ADGRB3: variants seen among roughly 807,000 people sequenced by gnomAD.
The protein encoded by ADGRB3 is brain-specific angiogenesis inhibitor 3.
A neutral mutation model predicts 193.4 loss-of-function variants in ADGRB3; 37 were observed. The ratio of observed to expected loss-of-function variants is 0.19; its 90% confidence interval spans 0.15 to 0.25. The LOEUF is 0.25. ADGRB3 is among the 10% of genes least tolerant of loss of function. The pLI is 1.00. For missense variants in ADGRB3, 1,637 were observed against 1,852.9 expected (o/e 0.88, Z 2.14); for synonymous variants, 690 against 644.2 (o/e 1.07, Z -1.08).
intron 8 of ADGRB3, among the ~76,000 whole-genome samples, chr6:68,958,870 AGTGTGTGTGTGTGTGTGT>A (rs66559521): frequency 5.4e-5 from 8 of 147,338 alleles, no homozygotes; most frequent in African/African-American, 1.5e-4. Flanking sequence ...AAAGAAAAAT[AGTGTGTGTGTGTGTGTGT>A]GTGTGTGTGT....
intron 3 of ADGRB3, among the ~76,000 whole-genome samples, chr6:68,828,478 A>G (rs550547599): frequency 2.6e-5 from 4 of 152,302 alleles, no homozygotes; most frequent in African/African-American, 9.6e-5. Flanking sequence ...TATAATATTT[A>G]CTCACCAAAA....
intron 3 of ADGRB3, among the ~76,000 whole-genome samples, chr6:68,884,617 C>T (rs1199481528): frequency 1.3e-5 from 2 of 152,084 alleles, no homozygotes; most frequent in Non-Finnish European, 2.9e-5. Flanking sequence ...GAAACTACAT[C>T]ATGGGAAGCC....
chr6:68,867,736 G>A (rs492831), intron 3 of ADGRB3, among the ~76,000 whole-genome samples: 47,572 of 152,042 alleles, frequency 0.31, 8,091 homozygotes, highest in East Asian at 0.59. Context: ...CTTTGTATCC[G>A]CATGTCCTGT....
At chr6:68,879,879 A>G (rs1765688627) in intron 3 of ADGRB3, among the ~76,000 whole-genome samples, 1 of 149,618 alleles carries the variant, frequency 6.7e-6, no homozygotes. Flanking sequence ...GTTGATCTTT[A>G]TGTTCAAAAA....
intron 17 of ADGRB3, among the ~76,000 whole-genome samples, chr6:69,105,235 C>A (rs1773174812): frequency 6.6e-6 from 1 of 152,158 alleles, no homozygotes; most frequent in African/African-American, 2.4e-5. Context: ...ACCACCCTTC[C>A]CTTTCTCCCA....
chr6:68,752,280 T>C (rs1161055341), intron 3 of ADGRB3, among the ~76,000 whole-genome samples: 1 of 150,882 alleles, frequency 6.6e-6, no homozygotes, highest in Admixed American at 6.6e-5. Flanking sequence ...ATATTCTTTT[T>C]TTTTTTTTTT....
intron 20 of ADGRB3, among the ~76,000 whole-genome samples, chr6:69,284,768 ATTTGT>A (rs1291526954): frequency 2.6e-5 from 4 of 152,126 alleles, no homozygotes; most frequent in Admixed American, 6.6e-5. Context: ...TATGTAATTA[ATTTGT>A]TTTGTTCTCC....
At chr6:68,813,868 C>A (rs529868634) in intron 3 of ADGRB3, among the ~76,000 whole-genome samples, 1 of 152,194 alleles carries the variant, frequency 6.6e-6, no homozygotes, top group Non-Finnish European at 1.5e-5. Context: ...CATCTATGTC[C>A]CTACAAAGGA....
intron 22 of ADGRB3, among the ~76,000 whole-genome samples, chr6:69,329,404 G>C (rs1008692899): frequency 6.6e-6 from 1 of 152,148 alleles, no homozygotes; most frequent in Non-Finnish European, 1.5e-5. Context: ...TGCTGATATA[G>C]TATCTCTTTG....
intron 20 of ADGRB3, among the ~76,000 whole-genome samples, chr6:69,303,706 T>C (rs1767999697): frequency 6.6e-6 from 1 of 151,964 alleles, no homozygotes; most frequent in South Asian, 2.1e-4. Flanking sequence ...CTCTATGTCT[T>C]CTCTCCTACA....
intron 17 of ADGRB3, among the ~76,000 whole-genome samples, chr6:69,152,302 C>T (rs1465711927): frequency 6.6e-6 from 1 of 152,188 alleles, no homozygotes; most frequent in Non-Finnish European, 1.5e-5. Context: ...GTAGTTTTCA[C>T]ACATCCAGAG....
intron 20 of ADGRB3, among the ~76,000 whole-genome samples, chr6:69,282,293 G>A (rs1363520447): frequency 6.6e-6 from 1 of 152,148 alleles, no homozygotes; most frequent in Non-Finnish European, 1.5e-5. Flanking sequence ...AGAACTAAAT[G>A]ATGAGATGGG....
intron 17 of ADGRB3, among the ~76,000 whole-genome samples, chr6:69,191,930 A>G (rs1316949640): frequency 6.6e-6 from 1 of 152,158 alleles, no homozygotes; most frequent in African/African-American, 2.4e-5. Flanking sequence ...GTAATTCTAG[A>G]GTAGGCAATT....
At chr6:68,774,265 G>A (rs566996896) in intron 3 of ADGRB3, among the ~76,000 whole-genome samples, 1 of 151,954 alleles carries the variant, frequency 6.6e-6, no homozygotes, top group Non-Finnish European at 1.5e-5. Context: ...AGGAACAAAG[G>A]TAGTGTAGGA....
chr6:69,272,961 C>T (rs980296465), intron 20 of ADGRB3, among the ~76,000 whole-genome samples: 5 of 152,140 alleles, frequency 3.3e-5, no homozygotes, highest in South Asian at 2.1e-4. Flanking sequence ...AGTGCAATGG[C>T]GTGATCTCTG....
chr6:69,332,316 A>G (rs986428443), intron 23 of ADGRB3: 5 of 985,446 alleles, frequency 5.1e-6, no homozygotes, highest in Non-Finnish European at 6.0e-6. Flanking sequence ...ACTAGAGCAT[A>G]TTTTAAAAAT....
chr6:68,639,951 C>T (rs565138995), intron 3 of ADGRB3, among the ~76,000 whole-genome samples: 14 of 152,226 alleles, frequency 9.2e-5, no homozygotes, highest in African/African-American at 3.4e-4. Flanking sequence ...TAATAGTTTG[C>T]CTGTTTGGAC....
chr6:69,272,197 G>C (rs1308268619), intron 20 of ADGRB3, among the ~76,000 whole-genome samples: 1 of 152,114 alleles, frequency 6.6e-6, no homozygotes, highest in African/African-American at 2.4e-5. Context: ...TCTGCATTTG[G>C]GATAGGTCCT....
intron 15 of ADGRB3, among the ~76,000 whole-genome samples, chr6:69,060,924 TTCTC>T (rs1468945635): frequency 6.6e-6 from 1 of 152,044 alleles, no homozygotes; most frequent in Non-Finnish European, 1.5e-5. Context: ...CTTTGTCAAT[TTCTC>T]TATTCTCACT....
Sources: allele counts gnomAD v4.1 joint callset (sites outside exome capture counted in the v4.1 genomes callset), GRCh38; gene constraint gnomAD v4.1.1; transcripts MANE v1.5; gene names NCBI Gene and HGNC (gene_info 2026-07-23, HGNC 2026-07-21).